Variants in AGRN observed in about 807,000 individuals in gnomAD.
AGRN encodes the protein agrin.
A neutral mutation model predicts 211.0 loss-of-function variants in AGRN; 106 were observed. The ratio of observed to expected loss-of-function variants is 0.50; its 90% confidence interval spans 0.43 to 0.59. The LOEUF is 0.59. Among genes scored for constraint, AGRN ranks in the 20% least tolerant of loss-of-function variants. AGRN has a pLI of 0.00. For missense variants in AGRN, 3,040 were observed against 2,982.6 expected (o/e 1.02, Z -0.45); for synonymous variants, 1,525 against 1,332.5 (o/e 1.14, Z -3.15).
intron 2 of AGRN, among the ~76,000 whole-genome samples, chr1:1,028,056 GATTTCATC>G (rs1055362730): frequency 1.2e-4 from 19 of 152,170 alleles, no homozygotes; most frequent in African/African-American, 4.3e-4. Flanking sequence ...GACCTTCACT[GATTTCATC>G]ATCAGTGCCT....
At position 1,049,070 on chromosome 1, in the gene AGRN, A is replaced by AGG. The variant is rs1227058241; in HGVS notation, c.4298+14_4298+15dup. 1.9e-6 allele frequency: 2 copies of AGG among 1,045,646 alleles called. No individual in the cohort carries two copies. Among genetic ancestry groups the AGG allele is most frequent in the Non-Finnish European group, 2.7e-6 (2 of 749,502 alleles). 64.8% of individuals were successfully genotyped at this position (1,045,646 alleles called of 1,614,324 possible). A position where few individuals can be genotyped will look rare whatever the true frequency, so the allele number is the denominator to read the frequency against. ...CCGCGTGCAGCTCAGGTGGGCGGGG[A>AGG]GGGGACGGGGCCGGGGCAGCTCAGG... On this transcript the variant is annotated intron_variant, in intron 24 of 35. Coordinates refer to ENST00000379370, the MANE Select transcript of AGRN (RefSeq NM_198576.4).
At chr1:1,047,069 G>GC (rs1266163328) in intron 19 of AGRN, 112 bp downstream of exon 19, 1 of 1,499,246 alleles carries the variant, frequency 6.7e-7, no homozygotes, top group Admixed American at 2.1e-5. Context: ...TTGGGACTCG[G>GC]CCCCCTCAAA....
intron 3 of AGRN, among the ~76,000 whole-genome samples, chr1:1,038,521 G>A (rs1272369600): frequency 1.3e-5 from 2 of 152,258 alleles, no homozygotes; most frequent in Non-Finnish European, 2.9e-5. Context: ...GCAGGACCTC[G>A]GGCTGGACTA....
chr1:1,054,137 G>C (rs571480523), intron 34 of AGRN, among the ~76,000 whole-genome samples, 160 bp downstream of exon 34: 1 of 152,228 alleles, frequency 6.6e-6, no homozygotes, highest in Non-Finnish European at 1.5e-5. Flanking sequence ...CCAAGAAGAT[G>C]CAGGAGAAGC....
chr1:1,050,645 G>T, intron 29 of AGRN, 54 bp downstream of exon 29: 1 of 1,603,554 alleles, frequency 6.2e-7, no homozygotes, highest in South Asian at 1.1e-5. Context: ...CGGGGCCGGG[G>T]CACCAGCAGG....
At chr1:1,030,566 A>AGCGTGTGTGTGT (rs1644643335) in intron 2 of AGRN, among the ~76,000 whole-genome samples, 1 of 73,056 alleles carries the variant, frequency 1.4e-5, no homozygotes, top group Non-Finnish European at 2.7e-5. Context: ...CTGAGAGATC[A>AGCGTGTGTGTGT]GCATGTGTGT....
intron 2 of AGRN, among the ~76,000 whole-genome samples, chr1:1,030,647 ATG>A (rs765776667): frequency 2.8e-4 from 2 of 7,194 alleles, no homozygotes; most frequent in Non-Finnish European, 3.4e-4. Flanking sequence ...TGAGATCAGC[ATG>A]TGTGTGTGTG....
intron 2 of AGRN, among the ~76,000 whole-genome samples, chr1:1,030,592 C>CTG (rs1326404857): frequency 3.9e-5 from 2 of 50,908 alleles, no homozygotes; most frequent in Admixed American, 2.8e-4. Context: ...GTGCATGGTG[C>CTG]TGTGAGATCA....
chr1:1,034,926 A>C, intron 2 of AGRN: 9 of 393,300 alleles, frequency 2.3e-5, no homozygotes, highest in Non-Finnish European at 2.3e-5. Flanking sequence ...GGAGCTGGGG[A>C]GGGAGGGGCA....
Position 1,043,551 on chromosome 1 carries a change from G to A in AGRN, c.1617G>A (p.Gln539=). 1.2e-6 allele frequency: 2 copies of A among 1,604,768 alleles called. No individual in the cohort carries two copies. The highest frequency in any genetic ancestry group is 2.2e-5 in the East Asian group (1 of 44,868). Reference sequence around the variant, plus strand: ...GCTCCTCCCCAGACCGCTGCGGGCAGTGCCGCTTTGGAGCCCTGTGCGAGG... The same window carrying A: ...GCTCCTCCCCAGACCGCTGCGGGCAATGCCGCTTTGGAGCCCTGTGCGAGG... ...ARKGPCDRCG[Q]CRFGALCEAE... is the part of the protein sequence containing the mutation. The change falls in exon 9 of 36, where the codon CAG becomes CAA. Residue 539 remains glutamine, a synonymous_variant. Coordinates refer to ENST00000379370, the MANE Select transcript of AGRN (RefSeq NM_198576.4).
chr1:1,051,384 G>T lies in AGRN; in HGVS notation c.5370+15G>T. On this transcript the variant is annotated intron_variant, in intron 31 of 35. Transcript: ENST00000379370. ...CCATCCAGCTGGTATGTGGGGGCGGGGCGTCCCAGCAGGGCCTCCGGGGCG... is the reference window on the plus strand; with the variant it reads ...CCATCCAGCTGGTATGTGGGGGCGGTGCGTCCCAGCAGGGCCTCCGGGGCG... The T allele has an allele frequency of 6.4e-7, 1 of 1,556,304 alleles. No individual in the cohort carries two copies. The highest frequency in any genetic ancestry group is 1.9e-5 in the Admixed American group (1 of 52,128).
At chr1:1,028,517 G>A (rs1373495217) in intron 2 of AGRN, among the ~76,000 whole-genome samples, 1 of 144,792 alleles carries the variant, frequency 6.9e-6, no homozygotes, top group African/African-American at 2.5e-5. Context: ...CGAAGGAACC[G>A]AGCCCCAGCC....
chr1:1,040,526 G>A (rs1269934230), intron 3 of AGRN, 139 bp from the exon 4 acceptor site: 1 of 1,030,656 alleles, frequency 9.7e-7, no homozygotes, highest in Non-Finnish European at 1.4e-6. Context: ...ACGCACGCGT[G>A]TCCGTGTCCG....
intron 2 of AGRN, among the ~76,000 whole-genome samples, chr1:1,033,643 GCGC>G (rs1644725652): frequency 4.1e-5 from 1 of 24,314 alleles, no homozygotes; most frequent in Non-Finnish European, 7.8e-5. Flanking sequence ...CCCAGCCCCA[GCGC>G]CCCCAGTCCC....
chr1:1,041,224 C>G lies in AGRN; in HGVS notation c.779C>G (p.Ala260Gly). 1 of 1,480,478 alleles carries G rather than the reference C, an allele frequency of 6.8e-7. No individual in the cohort carries two copies. The highest frequency in any genetic ancestry group is 8.9e-7 in the Non-Finnish European group (1 of 1,121,812). 91.7% of individuals were successfully genotyped at this position (1,480,478 alleles called of 1,614,324 possible). A position where few individuals can be genotyped will look rare whatever the true frequency, so the allele number is the denominator to read the frequency against. Residue 260 changes from alanine (A) to glycine (G), a missense_variant, in exon 5 of 36, where the codon GCG becomes GGG. By Grantham distance (60) the Ala-to-Gly change is moderately conservative (BLOSUM62 0). Around this residue, in one of 3 missense-constraint regions of AGRN, gnomAD observed 1,498 missense variants for 1,457.8 expected, o/e 1.03. Transcript: ENST00000379370. Reference sequence around the variant, plus strand: ...ACCTGCAGCTTCGGCAGCACCTGTGCGCGCTCGGCCGACGGGCTGACGGCC... The same window carrying G: ...ACCTGCAGCTTCGGCAGCACCTGTGGGCGCTCGGCCGACGGGCTGACGGCC... ...NVTCSFGSTC[A>G]RSADGLTASC...
rs140789461 is a variant in AGRN at position 1,043,889 on chromosome 1, G to A, written c.1865G>A (p.Arg622Gln). The A allele has an allele frequency of 1.1e-4, 183 of 1,610,638 alleles. No homozygotes were observed. The highest frequency in any genetic ancestry group is 4.0e-4 in the Admixed American group (24 of 59,956). ...VCSAGQCVCPRCEHPPPGPVC... is the reference protein window; with the variant it reads ...VCSAGQCVCPQCEHPPPGPVC... Reference sequence around the variant, plus strand: ...TCCGCAGGGCAGTGTGTGTGTCCCCGGTGTGAGCACCCCCCGCCCGGCCCC... The same window carrying A: ...TCCGCAGGGCAGTGTGTGTGTCCCCAGTGTGAGCACCCCCCGCCCGGCCCC... Residue 622 changes from arginine (R) to glutamine (Q), a missense_variant, in exon 10 of 36, where the codon CGG becomes CAG. Arg to Gln is a conservative substitution (Grantham distance 43). Transcript: ENST00000379370.
chr1:1,053,644 C>A (rs573426909), intron 33 of AGRN, 109 bp from the exon 34 acceptor site: 90 of 1,488,084 alleles, frequency 6.0e-5, no homozygotes, highest in Non-Finnish European at 7.9e-5. Context: ...CCCCTGGGTC[C>A]CGTCACAGCC....
intron 33 of AGRN, chr1:1,053,548 G>A (rs565605079): frequency 7.3e-5 from 112 of 1,527,266 alleles, no homozygotes; most frequent in South Asian, 4.7e-4. Context: ...CTGTCCTCCC[G>A]CCCGTCTCTC....
rs115704555 is a variant in AGRN, at chr1:1,022,188, A to G, written c.202-13A>G. On this transcript the variant is annotated splice_polypyrimidine_tract_variant and intron_variant, in intron 1 of 35. Transcript: ENST00000379370. ...GAGAGGACTAATGACACCTACCGCCATGTCCACCCCAGGTTCGGGTCTGGC... is the reference window on the plus strand; with the variant it reads ...GAGAGGACTAATGACACCTACCGCCGTGTCCACCCCAGGTTCGGGTCTGGC... 2.8e-3 allele frequency: 4,480 copies of G among 1,612,874 alleles called. 116 individuals carry two copies. The African/African-American group carries it at 0.053, about 19-fold the overall frequency.
Sources: gnomAD v4.1 joint callset for allele counts (sites outside exome capture counted in the v4.1 genomes callset) on GRCh38, gnomAD v4.1.1 for gene constraint, gnomAD v4.1.1 regional missense constraint, MANE v1.5 for transcripts, NCBI Gene and HGNC (gene_info 2026-07-23, HGNC 2026-07-21) for gene names.